Variants in ATCAY observed in about 807,000 individuals in gnomAD.
ATCAY encodes the protein ATCAY kinesin light chain interacting caytaxin.
ATCAY carries 22 observed loss-of-function variants against 47.7 expected under a neutral mutation model. The observed-to-expected ratio is 0.46, with a 90% confidence interval of 0.33 to 0.66. The LOEUF (loss-of-function observed/expected upper bound fraction) is 0.66. Among genes scored for constraint, ATCAY ranks in the 30% least tolerant of loss-of-function variants. ATCAY has a pLI of 0.02. For synonymous variants in ATCAY, 216 were observed against 207.6 expected (o/e 1.04, Z -0.35); for missense variants, 452 against 515.0 (o/e 0.88, Z 1.18).
intron 3 of ATCAY, among the ~76,000 whole-genome samples, chr19:3,903,566 C>T (rs2038833038): frequency 6.6e-6 from 1 of 151,644 alleles, no homozygotes; most frequent in Non-Finnish European, 1.5e-5. Flanking sequence ...CTGTATCGCC[C>T]AGGCTGGAGT....
chr19:3,910,772 C>G, intron 7 of ATCAY, 31 bp from the exon 8 acceptor site: 1 of 1,613,100 alleles, frequency 6.2e-7, no homozygotes, highest in Non-Finnish European at 8.5e-7. Flanking sequence ...GCCCCAGGAG[C>G]CCATCTTGCT....
intron 2 of ATCAY, among the ~76,000 whole-genome samples, chr19:3,893,301 G>C (rs141916137): frequency 0.012 from 1,819 of 151,654 alleles, 40 homozygotes; most frequent in African/African-American, 0.042. Context: ...AGCCTCCCAA[G>C]TAGCTGTAGC....
At chr19:3,910,394 G>C (rs552339032) in intron 7 of ATCAY, among the ~76,000 whole-genome samples, 16 of 152,242 alleles carry the variant, frequency 1.1e-4, no homozygotes, top group African/African-American at 3.9e-4. Flanking sequence ...CTGAGTTATT[G>C]TAAATAGCCT....
At chr19:3,894,236 G>A (rs1355711099) in intron 2 of ATCAY, among the ~76,000 whole-genome samples, 1 of 152,032 alleles carries the variant, frequency 6.6e-6, no homozygotes, top group Non-Finnish European at 1.5e-5. Context: ...TGTAATCCCA[G>A]CACTTTGGGA....
At chr19:3,917,624 G>GAAAAAAA in intron 9 of ATCAY, 118 bp from the exon 10 acceptor site, 2 of 379,422 alleles carry the variant, frequency 5.3e-6, no homozygotes, top group African/African-American at 2.6e-5. Context: ...AGAAGAAGAA[G>GAAAAAAA]AAGAAAAGAA....
Position 3,904,710 on chromosome 19 carries a change from T to C in ATCAY, c.137-724T>C, listed in dbSNP as rs10406772. ...GCACTCTGATTAAAATAGGAGACTATCCTGGATCCTGTATTATCCAGGTGG... is the reference window on the plus strand; with the variant it reads ...GCACTCTGATTAAAATAGGAGACTACCCTGGATCCTGTATTATCCAGGTGG... On this transcript the variant is annotated intron_variant, in intron 3 of 12. Coordinates refer to ENST00000450849, the MANE Select transcript of ATCAY (RefSeq NM_033064.5). 8.5e-3 allele frequency among the ~76,000 whole-genome samples: 1,289 copies of C among 152,132 alleles called. 22 individuals are homozygous for C. The highest frequency in any genetic ancestry group is 0.029 in the African/African-American group (1,183 of 41,474).
chr19:3,919,413 G>A (rs1165275356), intron 11 of ATCAY, among the ~76,000 whole-genome samples: 2 of 151,912 alleles, frequency 1.3e-5, no homozygotes, highest in African/African-American at 4.8e-5. Context: ...CCAACATGGT[G>A]AAACCCCATC....
chr19:3,918,432 A>G (rs1356810325), intron 10 of ATCAY, among the ~76,000 whole-genome samples: 2 of 151,708 alleles, frequency 1.3e-5, no homozygotes, highest in African/African-American at 4.8e-5. Flanking sequence ...ATGCGCCTGT[A>G]GTTCAGCTAC....
At chr19:3,897,264 T>TAC (rs2038777787) in intron 2 of ATCAY, among the ~76,000 whole-genome samples, 1 of 67,862 alleles carries the variant, frequency 1.5e-5, no homozygotes, top group East Asian at 4.6e-4. Flanking sequence ...TGAAGTTTGC[T>TAC]ATATATATAT....
chr19:3,923,634 T>C (rs2039039302), intron 12 of ATCAY, among the ~76,000 whole-genome samples: 1 of 149,390 alleles, frequency 6.7e-6, no homozygotes, highest in African/African-American at 2.5e-5. Context: ...GGTGGAGGGA[T>C]GGAAAGATGG....
chr19:3,916,021 A>G (rs1441596187), intron 9 of ATCAY, among the ~76,000 whole-genome samples: 1 of 151,920 alleles, frequency 6.6e-6, no homozygotes, highest in Non-Finnish European at 1.5e-5. Flanking sequence ...TCCCAAACTG[A>G]AACTCTGTCT....
At chr19:3,897,979 A>G (rs2038784165) in intron 2 of ATCAY, among the ~76,000 whole-genome samples, 1 of 152,208 alleles carries the variant, frequency 6.6e-6, no homozygotes, top group African/African-American at 2.4e-5. Context: ...ACATGAATTC[A>G]TCATTTTAAA....
rs367736161 is a variant in ATCAY at position 3,908,278 on chromosome 19, C to A, written c.555C>A (p.Gly185=). The part of the protein sequence containing the change: ...MKVVTHGGYY[G]EGLNAIIVFA... ...GCTGCCTCTCCTCAGGGTACTACGGCGAAGGCCTCAACGCCATCATCGTCT... is the reference window on the plus strand; with the variant it reads ...GCTGCCTCTCCTCAGGGTACTACGGAGAAGGCCTCAACGCCATCATCGTCT... Residue 185 remains glycine, a synonymous_variant, in exon 6 of 13, where the codon GGC becomes GGA. Transcript: ENST00000450849. The A allele has an allele frequency of 7.6e-6, 12 of 1,576,590 alleles. No individual in the cohort carries two copies. The highest frequency in any genetic ancestry group is 1.0e-5 in the Non-Finnish European group (12 of 1,161,182).
intron 3 of ATCAY, among the ~76,000 whole-genome samples, chr19:3,904,792 A>G (rs575942451): frequency 1.3e-5 from 2 of 152,266 alleles, no homozygotes; most frequent in East Asian, 3.9e-4. Flanking sequence ...AGTCAGAGAA[A>G]GCCTAGAAGA....
At chr19:3,892,781 A>ATACG (rs2038729645) in intron 2 of ATCAY, among the ~76,000 whole-genome samples, 2 of 151,850 alleles carry the variant, frequency 1.3e-5, no homozygotes, top group Non-Finnish European at 2.9e-5. Flanking sequence ...GGTGGCGGGC[A>ATACG]CCTGTAATCC....
In ATCAY at chr19:3,924,669, C is replaced by T; in HGVS notation, c.*77C>T. Reference sequence around the variant, plus strand: ...ACCTCTGTCAGACGCCCACTGGCCCCAGATCTCATCCTGCCTCATCCTGAG... The same window carrying T: ...ACCTCTGTCAGACGCCCACTGGCCCTAGATCTCATCCTGCCTCATCCTGAG... On this transcript the variant is annotated 3_prime_UTR_variant, in exon 13 of 13. Coordinates refer to ENST00000450849, the MANE Select transcript of ATCAY (RefSeq NM_033064.5). The T allele has an allele frequency of 1.3e-6, 2 of 1,532,554 alleles. No individual in the cohort carries two copies. Among genetic ancestry groups the T allele is most frequent in the Non-Finnish European group, 1.8e-6 (2 of 1,113,396 alleles). The allele number at this position is 1,532,554 out of a possible 1,614,324, so 94.9% of individuals were successfully genotyped here.
In ATCAY at chr19:3,904,618, T is replaced by C. The variant is rs765092831; in HGVS notation, c.137-816T>C. On this transcript the variant is annotated intron_variant, in intron 3 of 12. Transcript: ENST00000450849. ...CCCTCTCTCTTTTTTTCCATACATA[T>C]AGGAAAAAAATATGTATACACACAC... Among the ~76,000 whole-genome samples, 53 of 148,918 alleles carry C rather than the reference T, an allele frequency of 3.6e-4. 1 individual carries two copies. Among genetic ancestry groups the C allele is most frequent in the Non-Finnish European group, 1.0e-4 (7 of 67,818 alleles).
At chr19:3,909,882 C>T (rs1418563535) in intron 7 of ATCAY, among the ~76,000 whole-genome samples, 3 of 152,148 alleles carry the variant, frequency 2.0e-5, no homozygotes, top group Admixed American at 2.0e-4. Flanking sequence ...GTCAGGAGTT[C>T]AAGACCAGCC....
intron 2 of ATCAY, among the ~76,000 whole-genome samples, chr19:3,887,932 C>T (rs1399879695): frequency 1.3e-5 from 2 of 150,932 alleles, no homozygotes; most frequent in Admixed American, 1.3e-4. Flanking sequence ...CATAGTGAAA[C>T]CCTGTCTCTA....
Sources: allele counts gnomAD v4.1 joint callset (sites outside exome capture counted in the v4.1 genomes callset), GRCh38; gene constraint gnomAD v4.1.1; transcripts MANE v1.5; gene names NCBI Gene and HGNC (gene_info 2026-07-23, HGNC 2026-07-21).